Variants in ARID1B observed in about 807,000 individuals in gnomAD.
The protein encoded by ARID1B is AT-rich interaction domain 1B, also known as AT-rich interactive domain-containing protein 1B.
A neutral mutation model predicts 212.3 loss-of-function variants in ARID1B; 30 were observed. The observed-to-expected ratio is 0.14, with a 90% confidence interval of 0.11 to 0.19. The LOEUF (loss-of-function observed/expected upper bound fraction) is 0.19. ARID1B is among the 10% of genes least tolerant of loss of function. ARID1B has a pLI of 1.00. For synonymous variants in ARID1B, 1,402 were observed against 1,301.7 expected (o/e 1.08, Z -1.66); for missense variants, 2,891 against 3,204.0 (o/e 0.90, Z 2.36).
intron 1 of ARID1B, among the ~76,000 whole-genome samples, chr6:156,791,495 TTGAC>T (rs1487281164): frequency 6.6e-6 from 1 of 152,250 alleles, no homozygotes; most frequent in Non-Finnish European, 1.5e-5. Context: ...CTTAACCTCT[TTGAC>T]TGAAGTGCCG....
intron 4 of ARID1B, among the ~76,000 whole-genome samples, chr6:157,053,960 C>T (rs1238982517): frequency 3.3e-5 from 5 of 152,154 alleles, no homozygotes; most frequent in African/African-American, 1.2e-4. Context: ...CACAGGGGCT[C>T]ATGCCTGTAA....
chr6:157,114,439 G>T (rs999120879), intron 6 of ARID1B, among the ~76,000 whole-genome samples: 2 of 144,480 alleles, frequency 1.4e-5, no homozygotes, highest in African/African-American at 5.2e-5. Flanking sequence ...CAGGAGAATC[G>T]CTTGAACCAG....
In ARID1B at chr6:157,206,543, A is replaced by G; in HGVS notation, c.5771A>G (p.Asp1924Gly). The G allele has an allele frequency of 1.2e-6, 2 of 1,614,174 alleles. No individual in the cohort carries two copies. Among genetic ancestry groups the G allele is most frequent in the Non-Finnish European group, 1.7e-6 (2 of 1,180,024 alleles). Reference sequence around the variant, plus strand: ...AAAAAGAACAACCTGTTTGTTGTTGACCGATCTGACAAGTTGGGGCGTGTG... The same window carrying G: ...AAAAAGAACAACCTGTTTGTTGTTGGCCGATCTGACAAGTTGGGGCGTGTG... The part of the protein sequence containing the change: ...IVKKNNLFVV[D>G]RSDKLGRVQE... The change falls in exon 20 of 20, where the codon GAC becomes GGC. Residue 1924 changes from aspartate (D) to glycine (G), a missense_variant. Coordinates refer to ENST00000636930, the MANE Select transcript of ARID1B (RefSeq NM_001374828.1). The surrounding 1 kb of genome is among the most constrained non-coding windows in gnomAD (Gnocchi z 6.8).
intron 1 of ARID1B, among the ~76,000 whole-genome samples, chr6:156,788,708 A>G (rs968350880): frequency 2.6e-5 from 4 of 152,170 alleles, no homozygotes; most frequent in South Asian, 2.1e-4. Context: ...ATAATTTACT[A>G]TGCATGGAGG....
chr6:157,113,770 A>G (rs1787115823), intron 6 of ARID1B, among the ~76,000 whole-genome samples: 1 of 152,212 alleles, frequency 6.6e-6, no homozygotes, highest in Non-Finnish European at 1.5e-5. Context: ...TTGGTTAGGC[A>G]ACACCCTGAA....
intron 12 of ARID1B, among the ~76,000 whole-genome samples, 161 bp downstream of exon 12, chr6:157,181,339 A>T (rs920219614): frequency 4.6e-5 from 7 of 152,066 alleles, no homozygotes; most frequent in African/African-American, 1.7e-4. Flanking sequence ...GCTGTCAGGG[A>T]GCACTGGGGG....
At position 157,206,292 on chromosome 6, in the gene ARID1B, G is replaced by A. The variant is rs764306695; in HGVS notation, c.5520G>A (p.Arg1840=). 1 of 1,614,210 alleles carries A rather than the reference G, an allele frequency of 6.2e-7. No individual in the cohort carries two copies. The highest frequency in any genetic ancestry group is 8.5e-7 in the Non-Finnish European group (1 of 1,180,034). The part of the protein sequence containing the change: ...SQKALDHNAA[R]KDDSQSLADD... ...AAGCACTTGATCACAACGCAGCAAG[G>A]AAGGATGACAGCCAGTCCTTGGCAG... Residue 1840 remains arginine, a synonymous_variant, in exon 20 of 20, where the codon AGG becomes AGA. Transcript: ENST00000636930. The surrounding 1 kb of genome is among the most constrained non-coding windows in gnomAD (Gnocchi z 6.8).
chr6:156,844,171 T>C (rs1435879071), intron 2 of ARID1B, among the ~76,000 whole-genome samples: 1 of 152,256 alleles, frequency 6.6e-6, no homozygotes, highest in Non-Finnish European at 1.5e-5. Flanking sequence ...CTTTCATCTT[T>C]GTTCTGCTTT....
chr6:157,099,641 AC>A (rs1188310431), intron 5 of ARID1B, among the ~76,000 whole-genome samples: 1 of 152,138 alleles, frequency 6.6e-6, no homozygotes, highest in African/African-American at 2.4e-5. Flanking sequence ...ATTCACATAG[AC>A]CACATCATAC....
intron 4 of ARID1B, among the ~76,000 whole-genome samples, chr6:157,076,263 C>T (rs1784297738): frequency 1.3e-5 from 2 of 151,888 alleles, no homozygotes; most frequent in African/African-American, 2.4e-5. Flanking sequence ...GTAGACTCCA[C>T]ACAATTTGTG....
intron 4 of ARID1B, among the ~76,000 whole-genome samples, chr6:157,040,683 C>G (rs1487190253): frequency 6.6e-6 from 1 of 152,182 alleles, no homozygotes; most frequent in Non-Finnish European, 1.5e-5. Flanking sequence ...AACAAGTGTG[C>G]AGTCTCGCAA....
At chr6:157,109,089 G>A (rs1218222588) in intron 5 of ARID1B, among the ~76,000 whole-genome samples, 3 of 152,108 alleles carry the variant, frequency 2.0e-5, no homozygotes, top group African/African-American at 4.8e-5. Context: ...CAGATACCCC[G>A]TGATTAGACT....
chr6:157,090,437 G>C (rs1785206241), intron 5 of ARID1B, among the ~76,000 whole-genome samples: 2 of 152,208 alleles, frequency 1.3e-5, no homozygotes, highest in African/African-American at 4.8e-5. Flanking sequence ...AGTGTAAGTA[G>C]AGTTAACTCA....
chr6:157,054,608 T>C (rs532577336), intron 4 of ARID1B, among the ~76,000 whole-genome samples: 1 of 152,184 alleles, frequency 6.6e-6, no homozygotes, highest in East Asian at 1.9e-4. Flanking sequence ...TATCTGGGGC[T>C]TTTTGTTCTA....
At position 157,155,868 on chromosome 6, in the gene ARID1B, T is replaced by C. The variant is rs190106787; in HGVS notation, c.3089+6917T>C. The stretch of plus-strand genomic sequence containing the variant: ...AATGCAAATGAATTGGACTGGCTTG[T>C]TGGGTATACAGTGGCTTGTACTGTG... On this transcript the variant is annotated intron_variant, in intron 8 of 19. Coordinates refer to ENST00000636930, the MANE Select transcript of ARID1B (RefSeq NM_001374828.1). 3.3e-5 allele frequency among the ~76,000 whole-genome samples: 5 copies of C among 152,274 alleles called. No homozygotes were observed. The East Asian group carries it at 9.6e-4, about 29-fold the overall frequency.
At chr6:156,956,177 G>C (rs1793964051) in intron 4 of ARID1B, among the ~76,000 whole-genome samples, 1 of 152,118 alleles carries the variant, frequency 6.6e-6, no homozygotes, top group Non-Finnish European at 1.5e-5. Flanking sequence ...AAGGAGGTGG[G>C]AGGCAAGTGG....
chr6:156,972,426 T>C (rs533945734), intron 4 of ARID1B, among the ~76,000 whole-genome samples: 1 of 152,284 alleles, frequency 6.6e-6, no homozygotes, highest in African/African-American at 2.4e-5. Flanking sequence ...GCCCACAGCT[T>C]TTGCTTTTCT....
Position 157,206,111 on chromosome 6 carries a change from C to A in ARID1B, c.5395-56C>A, listed in dbSNP as rs1794421464. 6.4e-7 allele frequency: 1 copy of A among 1,562,308 alleles called. No homozygotes were observed. The highest frequency in any genetic ancestry group is 1.4e-5 in the African/African-American group (1 of 73,812). ...GGATCTTTACCCTCCTCGGTCATAT[C>A]TGATGTCATGACATTGTACCTGTTC... is the stretch of plus-strand genomic sequence containing the variant. On this transcript the variant is annotated intron_variant, in intron 19 of 19. Coordinates refer to ENST00000636930, the MANE Select transcript of ARID1B (RefSeq NM_001374828.1). This position sits in a 1 kb window ranked among gnomAD's most constrained non-coding sequence, Gnocchi z 6.8.
chr6:156,953,213 G>A (rs950157265), intron 4 of ARID1B, among the ~76,000 whole-genome samples: 2 of 152,240 alleles, frequency 1.3e-5, no homozygotes. Context: ...TGGTTGGAAA[G>A]CAAAGCTCCA....
Sources: gnomAD v4.1 joint callset for allele counts (sites outside exome capture counted in the v4.1 genomes callset) on GRCh38, gnomAD v4.1.1 for gene constraint, Gnocchi (gnomAD v3.1) non-coding constraint, MANE v1.5 for transcripts, NCBI Gene and HGNC (gene_info 2026-07-23, HGNC 2026-07-21) for gene names.